The following CRY1 variants were observed in gnomAD, a reference collection of about 807,000 sequenced individuals.
CRY1 encodes cryptochrome-1.
CRY1 carries 45 observed loss-of-function variants against 76.0 expected under a neutral mutation model. That is an observed-to-expected ratio of 0.59 (90% confidence interval 0.47 to 0.76). The LOEUF (loss-of-function observed/expected upper bound fraction) is 0.76, where lower values mean the gene tolerates loss of function less well. Ranked by LOEUF, CRY1 falls within the 30% of genes least tolerant of loss-of-function variation. The pLI is 0.00. For missense variants in CRY1, 587 were observed against 716.4 expected, an observed-to-expected ratio of 0.82 and a Z score of 2.06; for synonymous variants, 248 against 244.0, an observed-to-expected ratio of 1.02 and a Z score of -0.15.
chr12:107,043,789 G>A (rs1241922177), intron 1 of CRY1, among the ~76,000 whole-genome samples: 1 of 152,120 alleles, frequency 6.6e-6, no homozygotes, highest in East Asian at 1.9e-4. Context: ...CTCCCAGAGG[G>A]AGGATACTGC....
intron 1 of CRY1, among the ~76,000 whole-genome samples, chr12:107,064,484 G>A (rs1331715432): frequency 6.6e-6 from 1 of 152,172 alleles, no homozygotes; most frequent in Non-Finnish European, 1.5e-5. Context: ...CTCATATATA[G>A]TCAGTGAGAA....
chr12:107,050,063 G>A lies in CRY1; in HGVS notation c.159-27871C>T, dbSNP rs186139166. On this transcript the variant is annotated intron_variant, in intron 1 of 12. Coordinates refer to ENST00000008527, the MANE Select transcript of CRY1 (RefSeq NM_004075.5). ...AGTAAGGAGATAAAGAAAATGGAGTGGTTACAAAAGACAAAGTGGGGGAGA... is the reference window on the plus strand; with the variant it reads ...AGTAAGGAGATAAAGAAAATGGAGTAGTTACAAAAGACAAAGTGGGGGAGA... 3.3e-5 allele frequency: 5 copies of A among 152,180 alleles called. No individual in the cohort carries two copies. The East Asian group carries it at 7.7e-4, about 23-fold the overall frequency. The allele number at this position is 152,180 out of a possible 1,614,324, so 9.4% of individuals were successfully genotyped here.
chr12:107,031,980 G>A (rs1952681015), intron 1 of CRY1, among the ~76,000 whole-genome samples: 1 of 152,136 alleles, frequency 6.6e-6, no homozygotes, highest in Non-Finnish European at 1.5e-5. Context: ...TGTCGCCCAG[G>A]ATAGAGTGCA....
intron 1 of CRY1, among the ~76,000 whole-genome samples, chr12:107,051,485 G>T (rs1952919991): frequency 6.6e-6 from 1 of 152,018 alleles, no homozygotes; most frequent in African/African-American, 2.4e-5. Context: ...TTTAAAAATA[G>T]ATAAATAAGA....
intron 5 of CRY1, among the ~76,000 whole-genome samples, chr12:107,000,995 T>A (rs779800719): frequency 6.6e-6 from 1 of 152,100 alleles, no homozygotes; most frequent in East Asian, 1.9e-4. Flanking sequence ...TATAATTCTA[T>A]TCTAGTTTCG....
At chr12:107,052,406 A>G (rs1331638963) in intron 1 of CRY1, among the ~76,000 whole-genome samples, 1 of 152,210 alleles carries the variant, frequency 6.6e-6, no homozygotes, top group Admixed American at 6.5e-5. Context: ...TAAAGACTGT[A>G]CTAGATATTA....
At chr12:107,053,474 A>G (rs1565837696) in intron 1 of CRY1, among the ~76,000 whole-genome samples, 2 of 151,948 alleles carry the variant, frequency 1.3e-5, no homozygotes, top group Non-Finnish European at 2.9e-5. Flanking sequence ...GTGCCACCAC[A>G]CCCGACAAAT....
At chr12:107,023,506 T>G (rs930024381) in intron 1 of CRY1, among the ~76,000 whole-genome samples, 2 of 152,200 alleles carry the variant, frequency 1.3e-5, no homozygotes, top group African/African-American at 4.8e-5. Context: ...ATCATTTTGT[T>G]CGCTTTACAC....
chr12:107,070,666 TTTTATTTATTTATTTATTTATTTATTTA>T (rs376585116), intron 1 of CRY1, among the ~76,000 whole-genome samples: 5 of 139,656 alleles, frequency 3.6e-5, no homozygotes, highest in African/African-American at 1.3e-4. Flanking sequence ...ATTCTCTTAT[TTTTATTTATTTATTTATTTATTTATTTA>T]TTTATTTATT....
Position 106,997,404 on chromosome 12 carries a change from T to C in CRY1, c.1493-18A>G. The C allele has an allele frequency of 1.2e-6, 2 of 1,612,500 alleles. No individual in the cohort carries two copies. The highest frequency in any genetic ancestry group is 1.7e-6 in the Non-Finnish European group (2 of 1,179,368). ...CAGAAGACCTAAAGGACAAAAAAAT[T>C]TTCTTTTAAATTATGATCAAGATAA... On this transcript the variant is annotated intron_variant, in intron 9 of 12. Coordinates refer to ENST00000008527, the MANE Select transcript of CRY1 (RefSeq NM_004075.5).
intron 1 of CRY1, among the ~76,000 whole-genome samples, chr12:107,061,222 G>A (rs1003887889): frequency 1.3e-5 from 2 of 151,688 alleles, no homozygotes; most frequent in African/African-American, 2.4e-5. Flanking sequence ...AACAATGATC[G>A]TTTTCTACCA....
At chr12:107,092,556 G>A (rs1235613062) in intron 1 of CRY1, among the ~76,000 whole-genome samples, 1 of 152,188 alleles carries the variant, frequency 6.6e-6, no homozygotes, top group Non-Finnish European at 1.5e-5. Flanking sequence ...ATTCAGGGGA[G>A]GAGCTCCAGT....
At chr12:107,060,935 A>G (rs961855638) in intron 1 of CRY1, among the ~76,000 whole-genome samples, 6 of 152,178 alleles carry the variant, frequency 3.9e-5, no homozygotes, top group Non-Finnish European at 8.8e-5. Flanking sequence ...AGATCGCGCC[A>G]CTGCACTCCA....
At chr12:107,032,594 C>T (rs1338410790) in intron 1 of CRY1, among the ~76,000 whole-genome samples, 3 of 152,112 alleles carry the variant, frequency 2.0e-5, no homozygotes, top group Middle Eastern at 3.2e-3. Flanking sequence ...CGGTGGCTCA[C>T]GCCTATAATC....
rs113761389 is a variant in CRY1 at position 107,014,918 on chromosome 12, C to G, written c.267+7166G>C. 2.9e-3 allele frequency among the ~76,000 whole-genome samples: 434 copies of G among 152,182 alleles called. 6 individuals are homozygous for G. The highest frequency in any genetic ancestry group is 0.01 in the African/African-American group (422 of 41,504). ...TTTTAGACAGAGTCACACTCTGTTG[C>G]GCAGGCTAGAGCACAGTAGTGCAAT... On this transcript the variant is annotated intron_variant, in intron 2 of 12. Transcript: ENST00000008527.
At chr12:107,034,609 C>T (rs12297462) in intron 1 of CRY1, among the ~76,000 whole-genome samples, 6 of 152,174 alleles carry the variant, frequency 3.9e-5, no homozygotes, top group East Asian at 1.9e-4. Flanking sequence ...CCAATGAATT[C>T]GGTTGCTCAA....
intron 1 of CRY1, among the ~76,000 whole-genome samples, chr12:107,063,977 C>T (rs1297370946): frequency 2.0e-5 from 3 of 152,140 alleles, no homozygotes; most frequent in South Asian, 4.2e-4. Context: ...ATCTCCTAAG[C>T]GCCACCCTGG....
At chr12:107,024,491 C>T (rs1183674200) in intron 1 of CRY1, among the ~76,000 whole-genome samples, 1 of 151,936 alleles carries the variant, frequency 6.6e-6, no homozygotes, top group Non-Finnish European at 1.5e-5. Flanking sequence ...CTTCTCCCAC[C>T]TAAGCCTCTA....
At chr12:107,061,189 G>A (rs996202437) in intron 1 of CRY1, among the ~76,000 whole-genome samples, 47 of 152,014 alleles carry the variant, frequency 3.1e-4, no homozygotes, top group African/African-American at 1.1e-3. Context: ...TTAATAAAAT[G>A]TAAACATATT....
Sources: gnomAD v4.1 joint callset for allele counts (sites outside exome capture counted in the v4.1 genomes callset) on GRCh38, gnomAD v4.1.1 for gene constraint, MANE v1.5 for transcripts, NCBI Gene and HGNC (gene_info 2026-07-23, HGNC 2026-07-21) for gene names.